The following SPOCK2 variants were observed in gnomAD, a reference collection of about 807,000 sequenced individuals.
SPOCK2 encodes SPARC (osteonectin), cwcv and kazal like domains proteoglycan 2.
In SPOCK2, 39 loss-of-function variants were observed where a neutral mutation model predicts 60.1. The observed-to-expected ratio is 0.65, with a 90% confidence interval of 0.50 to 0.85. The LOEUF (loss-of-function observed/expected upper bound fraction) is 0.85. Among genes scored for constraint, SPOCK2 ranks in the 40% least tolerant of loss-of-function variants. The pLI, the probability that SPOCK2 is intolerant of heterozygous loss-of-function variation, is 0.00. For synonymous variants in SPOCK2, 217 were observed against 231.5 expected (o/e 0.94, Z 0.57); for missense variants, 523 against 567.4 (o/e 0.92, Z 0.80).
rs1840489914 is a variant in SPOCK2, at chr10:72,061,418, C to T, written c.*1342G>A. 1 of 152,596 alleles carries T rather than the reference C, an allele frequency of 6.6e-6. No individual in the cohort carries two copies. Among genetic ancestry groups the T allele is most frequent in the Admixed American group, 6.5e-5 (1 of 15,292 alleles). 9.5% of individuals were successfully genotyped at this position (152,596 alleles called of 1,614,324 possible). A position where few individuals can be genotyped will look rare whatever the true frequency, so the allele number is the denominator to read the frequency against. ...TCCTCAGAGGGGCCAGAAGGAAGCC[C>T]TGGGGGCTGAGGGAAGTGGGGCTGG... On this transcript the variant is annotated 3_prime_UTR_variant, in exon 11 of 11. Transcript: ENST00000373109.
rs1474408901 is a variant in SPOCK2 at position 72,087,837 on chromosome 10, C to G, written c.189+303G>C. On this transcript the variant is annotated intron_variant, in intron 1 of 10. Coordinates refer to ENST00000373109, the MANE Select transcript of SPOCK2 (RefSeq NM_001244950.2). The surrounding 1 kb of genome is among the most constrained non-coding windows in gnomAD (Gnocchi z 4.7). Reference sequence around the variant, plus strand: ...CAGCCGGGGTCCGGGTCCCCCCGGCCCCGCACCCCTTCCCACTCCCGGCCC... The same window carrying G: ...CAGCCGGGGTCCGGGTCCCCCCGGCGCCGCACCCCTTCCCACTCCCGGCCC... Among the ~76,000 whole-genome samples, 1 of 152,094 alleles carries G rather than the reference C, an allele frequency of 6.6e-6. No homozygotes were observed. The highest frequency in any genetic ancestry group is 1.9e-4 in the East Asian group (1 of 5,144).
At chr10:72,071,814 A>G (rs972521910) in intron 4 of SPOCK2, among the ~76,000 whole-genome samples, 1 of 152,066 alleles carries the variant, frequency 6.6e-6, no homozygotes, top group Non-Finnish European at 1.5e-5. Flanking sequence ...AGGGGTCCAC[A>G]TGATCAGGAA....
At position 72,068,418 on chromosome 10, in the gene SPOCK2, C is replaced by A. The variant is rs1459576072; in HGVS notation, c.475-117G>T. 3.7e-6 allele frequency: 4 copies of A among 1,082,434 alleles called. No homozygotes were observed. In the African/African-American group the frequency reaches 6.4e-5, roughly 17 times the overall value. The allele number at this position is 1,082,434 out of a possible 1,614,324, so 67.1% of individuals were successfully genotyped here. A position where few individuals can be genotyped will look rare whatever the true frequency, so the allele number is the denominator to read the frequency against. On this transcript the variant is annotated intron_variant, in intron 5 of 10. Coordinates refer to ENST00000373109, the MANE Select transcript of SPOCK2 (RefSeq NM_001244950.2). ...CATCTGCCTCCCCCCATGGAGTGCC[C>A]ATGAACAGCCTGAAGGGTCCTCTTG... is the stretch of plus-strand genomic sequence containing the variant.
chr10:72,072,279 G>T, intron 3 of SPOCK2, 21 bp from the exon 4 acceptor site: 4 of 1,502,156 alleles, frequency 2.7e-6, no homozygotes, highest in Non-Finnish European at 3.5e-6. Context: ...ACAGAGTCAG[G>T]ACACAGGTCA....
intron 4 of SPOCK2, among the ~76,000 whole-genome samples, chr10:72,070,772 T>C (rs1351593642): frequency 6.6e-6 from 1 of 151,988 alleles, no homozygotes; most frequent in Non-Finnish European, 1.5e-5. Flanking sequence ...TGCAAACTGA[T>C]GACCTCTGGG....
At chr10:72,069,462 A>G (rs1467593482) in intron 5 of SPOCK2, among the ~76,000 whole-genome samples, 1 of 147,018 alleles carries the variant, frequency 6.8e-6, no homozygotes, top group East Asian at 2.0e-4. Flanking sequence ...CTGCATTTCT[A>G]TGTTACTTTT....
chr10:72,067,869 C>T (rs1374451100), intron 6 of SPOCK2, 137 bp from the exon 7 acceptor site: 7 of 1,358,866 alleles, frequency 5.2e-6, no homozygotes, highest in Non-Finnish European at 6.9e-6. Context: ...AGGTGGAAAT[C>T]GGGGGCTTCC....
chr10:72,071,863 A>G (rs1404022055), intron 4 of SPOCK2, among the ~76,000 whole-genome samples: 2 of 152,024 alleles, frequency 1.3e-5, no homozygotes, highest in Non-Finnish European at 2.9e-5. Context: ...TGAGCTTAGA[A>G]GTGGATCCTC....
At chr10:72,080,362 C>T (rs925661749) in intron 1 of SPOCK2, among the ~76,000 whole-genome samples, 1 of 152,236 alleles carries the variant, frequency 6.6e-6, no homozygotes, top group African/African-American at 2.4e-5. Flanking sequence ...TGGCCTCATT[C>T]CTCAGGCAAC....
Position 72,087,049 on chromosome 10 carries a change from C to T in SPOCK2, c.189+1091G>A. The T allele has an allele frequency of 6.5e-7, 1 of 1,530,002 alleles. No individual in the cohort carries two copies. Among genetic ancestry groups the T allele is most frequent in the Non-Finnish European group, 8.8e-7 (1 of 1,135,822 alleles). The allele number at this position is 1,530,002 out of a possible 1,614,324, so 94.8% of individuals were successfully genotyped here. On this transcript the variant is annotated intron_variant, in intron 1 of 10. Transcript: ENST00000373109. This position sits in a 1 kb window ranked among gnomAD's most constrained non-coding sequence, Gnocchi z 4.7. The stretch of plus-strand genomic sequence containing the variant: ...AGAAGAGGTTTTCTGGGGTCAGGGC[C>T]GCGGTGAGCACCAGGTCGCCAGGAG...
At chr10:72,065,984 T>G (rs1397816209) in intron 8 of SPOCK2, among the ~76,000 whole-genome samples, 5 of 152,198 alleles carry the variant, frequency 3.3e-5, no homozygotes, top group Non-Finnish European at 5.9e-5. Flanking sequence ...CTTTGGGCCC[T>G]GACTGCCGAT....
At chr10:72,083,710 CCA>C (rs1387448763) in intron 1 of SPOCK2, among the ~76,000 whole-genome samples, 1 of 152,196 alleles carries the variant, frequency 6.6e-6, no homozygotes, top group Non-Finnish European at 1.5e-5. Flanking sequence ...TGCTCCAGCT[CCA>C]GTTAGAAGGT....
chr10:72,064,070 C>T, intron 9 of SPOCK2, 108 bp downstream of exon 9: 3 of 1,427,840 alleles, frequency 2.1e-6, no homozygotes, highest in African/African-American at 1.4e-5. Context: ...AGGGCCTCCT[C>T]TGGGCTCCAT....
In SPOCK2 at chr10:72,086,216, C is replaced by G. The variant is rs1216657555; in HGVS notation, c.189+1924G>C. ...CCCATGAATCTTACATGTGCAAGTC[C>G]TGAAGACTTTCAAATCTAGTGCCTT... On this transcript the variant is annotated intron_variant, in intron 1 of 10. Transcript: ENST00000373109. The G allele has an allele frequency of 5.1e-6, 5 of 986,298 alleles. No homozygotes were observed. The East Asian group carries it at 5.7e-4, about 112-fold the overall frequency. The allele number at this position is 986,298 out of a possible 1,614,324, so 61.1% of individuals were successfully genotyped here.
rs376281727 is a variant in SPOCK2, at chr10:72,068,307, C to T, written c.475-6G>A. 9.3e-6 allele frequency: 15 copies of T among 1,604,296 alleles called. No homozygotes were observed. The highest frequency in any genetic ancestry group is 1.7e-5 in the Admixed American group (1 of 59,210). Reference sequence around the variant, plus strand: ...GCCTGTTGCTCCAGCTTACACTGCACATGGGGAAAGGTGGAACAGGGGACT... The same window carrying T: ...GCCTGTTGCTCCAGCTTACACTGCATATGGGGAAAGGTGGAACAGGGGACT... On this transcript the variant is annotated splice_region_variant and splice_polypyrimidine_tract_variant and intron_variant, in intron 5 of 10. Transcript: ENST00000373109.
At chr10:72,082,870 A>G (rs1403393468) in intron 1 of SPOCK2, among the ~76,000 whole-genome samples, 2 of 151,256 alleles carry the variant, frequency 1.3e-5, no homozygotes, top group East Asian at 3.9e-4. Flanking sequence ...AAAAAAAAAA[A>G]AAAAAAAGAA....
At position 72,088,490 on chromosome 10, in the gene SPOCK2, TG is replaced by T. The variant is rs1840897509; in HGVS notation, c.-163del. The T allele has an allele frequency of 1.3e-6, 1 of 780,922 alleles. No individual in the cohort carries two copies. The highest frequency in any genetic ancestry group is 2.0e-6 in the Non-Finnish European group (1 of 507,764). 48.4% of individuals were successfully genotyped at this position (780,922 alleles called of 1,614,324 possible). Reference sequence around the variant, plus strand: ...AGTGGGTCGCGGCTGAAATGTGACCTGGTTAGGAGATGCACTTGTCTGAAAA... The same window carrying T: ...AGTGGGTCGCGGCTGAAATGTGACCTGTTAGGAGATGCACTTGTCTGAAAA... On this transcript the variant is annotated 5_prime_UTR_variant, in exon 1 of 11. Coordinates refer to ENST00000373109, the MANE Select transcript of SPOCK2 (RefSeq NM_001244950.2).
At chr10:72,088,043 C>T (rs1372655134) in intron 1 of SPOCK2, 97 bp downstream of exon 1, 3 of 1,466,958 alleles carry the variant, frequency 2.0e-6, no homozygotes, top group African/African-American at 2.8e-5. Flanking sequence ...TGCGGAGCCT[C>T]GGGCTGCGAC....
At chr10:72,086,455 A>C in intron 1 of SPOCK2, 1 of 1,053,974 alleles carries the variant, frequency 9.5e-7, no homozygotes, top group South Asian at 3.0e-5. Context: ...TCTGACCTTC[A>C]CTGGTCCCAT....
Sources: gnomAD v4.1 joint callset for allele counts (sites outside exome capture counted in the v4.1 genomes callset) on GRCh38, gnomAD v4.1.1 for gene constraint, Gnocchi (gnomAD v3.1) non-coding constraint, MANE v1.5 for transcripts, NCBI Gene and HGNC (gene_info 2026-07-23, HGNC 2026-07-21) for gene names.